ALDH9A1: variants seen among roughly 807,000 people sequenced by gnomAD.
ALDH9A1 encodes the protein aldehyde dehydrogenase 9 family member A1, also known as 4-trimethylaminobutyraldehyde dehydrogenase.
In ALDH9A1, 42 loss-of-function variants were observed where a neutral mutation model predicts 56.6. That is an observed-to-expected ratio of 0.74 (90% CI 0.58 to 0.96). The LOEUF (loss-of-function observed/expected upper bound fraction) is 0.96, where lower values mean the gene tolerates loss of function less well. ALDH9A1 is among the 40% of genes least tolerant of loss of function. The pLI is 0.00. For synonymous variants in ALDH9A1, 242 were observed against 236.0 expected (o/e 1.03, Z -0.23); for missense variants, 661 against 651.5 (o/e 1.01, Z -0.16).
intron 2 of ALDH9A1, among the ~76,000 whole-genome samples, chr1:165,684,008 A>G (rs779562423): frequency 1.3e-5 from 2 of 152,256 alleles, no homozygotes; most frequent in African/African-American, 2.4e-5. Context: ...TATAAAACTG[A>G]TAAGCAGTAA....
At chr1:165,669,759 T>C (rs1482210929) in intron 6 of ALDH9A1, among the ~76,000 whole-genome samples, 3 of 152,076 alleles carry the variant, frequency 2.0e-5, no homozygotes, top group Non-Finnish European at 4.4e-5. Flanking sequence ...CTTCCTCATA[T>C]CAGGGCTCAA....
intron 2 of ALDH9A1, among the ~76,000 whole-genome samples, chr1:165,688,496 T>C (rs1319478420): frequency 2.0e-5 from 3 of 152,228 alleles, no homozygotes; most frequent in Non-Finnish European, 4.4e-5. Flanking sequence ...AATAATTGTT[T>C]ACAGCAATAC....
Position 165,680,560 on chromosome 1 carries a change from G to A in ALDH9A1, c.716C>T (p.Thr239Ile), listed in dbSNP as rs1024946102. The A allele has an allele frequency of 6.2e-7, 1 of 1,614,188 alleles. No homozygotes were observed. The highest frequency in any genetic ancestry group is 1.7e-5 in the Admixed American group (1 of 60,016). Residue 239 changes from threonine (T) to isoleucine (I), a missense_variant, in exon 5 of 11, where the codon ACA becomes ATA. Thr to Ile is a moderately conservative substitution (Grantham distance 89, BLOSUM62 -1). Transcript: ENST00000354775. ...GGGATGCTGACACAGAAACTGGCCT[G>A]TGGCAGCCCCTCCCTGCACCACATT... ...LFNVVQGGAA[T>I]GQFLCQHPDV...
rs749117818 is a variant in ALDH9A1, at chr1:165,669,435, T to C, written c.946A>G (p.Thr316Ala). Residue 316 changes from threonine to alanine, a missense_variant, in exon 7 of 11, where the codon ACA becomes GCA. By Grantham distance (58) the Thr-to-Ala change is moderately conservative. Transcript: ENST00000354775. ...LTQGQVCCNGTRVFVQKEILD... is the reference protein window; with the variant it reads ...LTQGQVCCNGARVFVQKEILD... Reference sequence around the variant, plus strand: ...ATTTCTTTCTGCACAAATACTCTTGTGCCATTACAGCAAACCTAAAGGACA... The same window carrying C: ...ATTTCTTTCTGCACAAATACTCTTGCGCCATTACAGCAAACCTAAAGGACA... 4 of 1,612,492 alleles carry C rather than the reference T, an allele frequency of 2.5e-6. No homozygotes were observed. The African/African-American group carries it at 4.0e-5, about 16-fold the overall frequency.
intron 6 of ALDH9A1, chr1:165,671,152 A>T (rs928977011): frequency 1.3e-5 from 2 of 158,074 alleles, no homozygotes; most frequent in African/African-American, 4.8e-5. Context: ...TCTGATAAAA[A>T]TTTAAAATTG....
chr1:165,676,199 C>G (rs1402620824), intron 6 of ALDH9A1: 2 of 153,936 alleles, frequency 1.3e-5, no homozygotes, highest in African/African-American at 4.8e-5. Context: ...CAATGATACA[C>G]CAGTAGCAAC....
chr1:165,698,346 G>A, intron 1 of ALDH9A1, 32 bp downstream of exon 1: 1 of 1,569,888 alleles, frequency 6.4e-7, no homozygotes, highest in Non-Finnish European at 8.6e-7. Flanking sequence ...CGGCCCCAGG[G>A]CGCCCCAGCC....
chr1:165,694,893 T>G (rs755003367), intron 2 of ALDH9A1, among the ~76,000 whole-genome samples: 1 of 150,984 alleles, frequency 6.6e-6, no homozygotes, highest in South Asian at 2.1e-4. Flanking sequence ...GAGGCGAAGG[T>G]TGCAGTGAGC....
intron 2 of ALDH9A1, among the ~76,000 whole-genome samples, chr1:165,693,419 C>T (rs950464083): frequency 1.3e-5 from 2 of 152,152 alleles, no homozygotes; most frequent in African/African-American, 2.4e-5. Context: ...TGAACAGACA[C>T]TTCTCAAAAA....
At chr1:165,677,574 T>C (rs1194939933) in intron 6 of ALDH9A1, among the ~76,000 whole-genome samples, 1 of 151,018 alleles carries the variant, frequency 6.6e-6, no homozygotes, top group East Asian at 2.0e-4. Context: ...AAATAAATAA[T>C]GAGGCTGGGT....
intron 5 of ALDH9A1, among the ~76,000 whole-genome samples, chr1:165,680,270 C>G (rs1371379161): frequency 6.6e-6 from 1 of 152,168 alleles, no homozygotes; most frequent in African/African-American, 2.4e-5. Context: ...AATTTCCACC[C>G]CTACCTGGCC....
At chr1:165,665,348 G>GCT in intron 9 of ALDH9A1, 1 of 492,636 alleles carries the variant, frequency 2.0e-6, no homozygotes, top group Non-Finnish European at 3.7e-6. Context: ...CAGCAATAAG[G>GCT]GTACCAAAAT....
At chr1:165,672,699 G>A (rs1242222877) in intron 6 of ALDH9A1, among the ~76,000 whole-genome samples, 3 of 152,146 alleles carry the variant, frequency 2.0e-5, no homozygotes, top group Admixed American at 2.0e-4. Flanking sequence ...CACCTTGGGA[G>A]GCTGAAGCAG....
intron 2 of ALDH9A1, among the ~76,000 whole-genome samples, chr1:165,684,326 T>C (rs1056528533): frequency 2.1e-4 from 32 of 152,176 alleles, no homozygotes; most frequent in African/African-American, 7.0e-4. Context: ...TGAATAGACA[T>C]TTTCCTTCAG....
intron 2 of ALDH9A1, among the ~76,000 whole-genome samples, chr1:165,687,762 C>T (rs1056035282): frequency 4.0e-5 from 6 of 150,980 alleles, no homozygotes; most frequent in African/African-American, 1.5e-4. Flanking sequence ...CCGAGGTGGG[C>T]GGATCACTGG....
chr1:165,683,047 G>A lies in ALDH9A1; in HGVS notation c.391C>T (p.Arg131Cys), dbSNP rs752528835. Residue 131 changes from arginine to cysteine, a missense_variant, in exon 3 of 11, where the codon CGC becomes TGC. Arg to Cys is a radical substitution (Grantham distance 180). Transcript: ENST00000354775. ...INNGKSIFEA[R>C]LDIDISWQCL... ...TGCCAGGAAATGTCAATGTCCAAGC[G>A]GGCCTCAAAGATGGACTTGCCATTG... 2.2e-5 allele frequency: 35 copies of A among 1,613,870 alleles called. No individual in the cohort carries two copies. The highest frequency in any genetic ancestry group is 1.5e-4 in the Admixed American group (9 of 59,970).
chr1:165,674,685 C>CAAAAAAAAAAA (rs36011778), intron 6 of ALDH9A1, among the ~76,000 whole-genome samples: 1 of 115,554 alleles, frequency 8.7e-6, no homozygotes, highest in African/African-American at 3.4e-5. Flanking sequence ...GACTCCGAAT[C>CAAAAAAAAAAA]AAAAAAAAAA....
At chr1:165,684,586 G>T (rs1649651495) in intron 2 of ALDH9A1, among the ~76,000 whole-genome samples, 1 of 152,064 alleles carries the variant, frequency 6.6e-6, no homozygotes, top group African/African-American at 2.4e-5. Flanking sequence ...GTTTTCCAAA[G>T]GTATAATCAA....
At chr1:165,678,605 C>A (rs1002598877) in intron 6 of ALDH9A1, among the ~76,000 whole-genome samples, 2 of 152,166 alleles carry the variant, frequency 1.3e-5, no homozygotes, top group Non-Finnish European at 2.9e-5. Flanking sequence ...GTATTTACTG[C>A]ATGAAAGTTT....
Sources: allele counts gnomAD v4.1 joint callset (sites outside exome capture counted in the v4.1 genomes callset), GRCh38; gene constraint gnomAD v4.1.1; transcripts MANE v1.5; gene names NCBI Gene and HGNC (gene_info 2026-07-23, HGNC 2026-07-21).